Variants in KIF17 observed in about 807,000 individuals in gnomAD.
The protein encoded by KIF17 is kinesin family member 17.
Under a neutral mutation model 96.8 loss-of-function variants are expected in KIF17, and 80 were observed. That is an observed-to-expected ratio of 0.83 (90% CI 0.69 to 1.00). KIF17 has a LOEUF of 1.00. Ranked by LOEUF, KIF17 falls within the 50% of genes least tolerant of loss-of-function variation. KIF17 has a pLI of 0.00. For missense variants in KIF17, 1,280 were observed against 1,372.9 expected, an observed-to-expected ratio of 0.93 and a Z score of 1.07; for synonymous variants, 567 against 587.5, an observed-to-expected ratio of 0.97 and a Z score of 0.51.
chr1:20,692,257 T>A (rs1451157177), intron 6 of KIF17, among the ~76,000 whole-genome samples: 1 of 151,930 alleles, frequency 6.6e-6, no homozygotes, highest in Non-Finnish European at 1.5e-5. Flanking sequence ...CTCAGCTTAG[T>A]AACATCCCTC....
In KIF17 at chr1:20,717,670, G is replaced by T; in HGVS notation, c.37C>A (p.Arg13Ser). ...TCTCGCTCCCGCTGGTTCATGGGACGGCAGCGCACGACAACCTTCACCGCC... is the reference window on the plus strand; with the variant it reads ...TCTCGCTCCCGCTGGTTCATGGGACTGCAGCGCACGACAACCTTCACCGCC... Reference protein sequence around the residue: ...SEAVKVVVRCRPMNQRERELR... With the variant: ...SEAVKVVVRCSPMNQRERELR... Residue 13 changes from arginine to serine, a missense_variant, in exon 1 of 15, where the codon CGT becomes AGT. Physicochemically the swap from Arg to Ser is moderately radical, Grantham distance 110 (BLOSUM62 -1). Transcript: ENST00000400463. 1 of 1,601,360 alleles carries T rather than the reference G, an allele frequency of 6.2e-7. No individual in the cohort carries two copies. Among genetic ancestry groups the T allele is most frequent in the East Asian group, 2.2e-5 (1 of 44,692 alleles).
chr1:20,668,911 C>T (rs939535129), intron 13 of KIF17, among the ~76,000 whole-genome samples: 10 of 152,070 alleles, frequency 6.6e-5, no homozygotes, highest in African/African-American at 2.4e-4. Context: ...TTTGTTGACC[C>T]CTTGTTTTGA....
Position 20,717,746 on chromosome 1 carries a change from C to T in KIF17, c.-40G>A, listed in dbSNP as rs780283220. ...GACCAACGGGACCAGAGCTGACCCC[C>T]GCCCCGCCGGGGACTCCCAGCAGCC... On this transcript the variant is annotated 5_prime_UTR_variant, in exon 1 of 15. Coordinates refer to ENST00000400463, the MANE Select transcript of KIF17 (RefSeq NM_001122819.3). The T allele has an allele frequency of 9.9e-6, 15 of 1,511,100 alleles. No individual in the cohort carries two copies. The highest frequency in any genetic ancestry group is 1.2e-5 in the South Asian group (1 of 81,850). 93.6% of individuals were successfully genotyped at this position (1,511,100 alleles called of 1,614,324 possible). A position where few individuals can be genotyped will look rare whatever the true frequency, so the allele number is the denominator to read the frequency against.
chr1:20,696,308 T>C (rs2054137503), intron 6 of KIF17, among the ~76,000 whole-genome samples: 1 of 150,920 alleles, frequency 6.6e-6, no homozygotes, highest in South Asian at 2.1e-4. Flanking sequence ...TCAATAAATA[T>C]GAGAGTTGAG....
intron 4 of KIF17, among the ~76,000 whole-genome samples, chr1:20,708,259 C>T (rs1322550577): frequency 6.6e-6 from 1 of 152,222 alleles, no homozygotes; most frequent in East Asian, 1.9e-4. Context: ...TAAGCAAGCA[C>T]TGGGGCTTGG....
intron 1 of KIF17, among the ~76,000 whole-genome samples, chr1:20,716,276 G>T (rs928037331): frequency 4.0e-5 from 6 of 151,574 alleles, no homozygotes; most frequent in African/African-American, 1.5e-4. Flanking sequence ...TATCTTAAAG[G>T]GTAAGAGCAG....
chr1:20,668,227 G>A (rs988379342), intron 13 of KIF17, among the ~76,000 whole-genome samples: 2 of 150,508 alleles, frequency 1.3e-5, no homozygotes, highest in Non-Finnish European at 3.0e-5. Context: ...GGAGAATGGT[G>A]TGAACCTGGG....
intron 3 of KIF17, among the ~76,000 whole-genome samples, chr1:20,712,313 G>A (rs1287211417): frequency 2.0e-5 from 3 of 151,762 alleles, no homozygotes; most frequent in African/African-American, 7.3e-5. Context: ...CTGCTTCCCT[G>A]TCTGGGGGCT....
chr1:20,684,761 T>C, intron 10 of KIF17, 48 bp downstream of exon 10: 1 of 1,524,594 alleles, frequency 6.6e-7, no homozygotes, highest in Non-Finnish European at 8.9e-7. Context: ...AGGCAGCCCC[T>C]TCCCACCTCA....
chr1:20,664,864 G>T (rs888272159), intron 14 of KIF17, 102 bp from the exon 15 acceptor site: 2 of 1,063,580 alleles, frequency 1.9e-6, no homozygotes, highest in Admixed American at 4.0e-5. Context: ...CCCCACTCCC[G>T]CCCCCCTGCC....
rs1276928598 is a variant in KIF17 at position 20,699,914 on chromosome 1, C to T, written c.1124-1426G>A. On this transcript the variant is annotated intron_variant, in intron 5 of 14. Coordinates refer to ENST00000400463, the MANE Select transcript of KIF17 (RefSeq NM_001122819.3). The surrounding 1 kb of genome is among the most constrained non-coding windows in gnomAD (Gnocchi z 4.3). Reference sequence around the variant, plus strand: ...TTGAACGAGGCAGGTGTGCACAGGGCAGTCACAGGCCTTGCATTTGAACAG... The same window carrying T: ...TTGAACGAGGCAGGTGTGCACAGGGTAGTCACAGGCCTTGCATTTGAACAG... Among the ~76,000 whole-genome samples, 1 of 152,148 alleles carries T rather than the reference C, an allele frequency of 6.6e-6. No homozygotes were observed. Among genetic ancestry groups the T allele is most frequent in the African/African-American group, 2.4e-5 (1 of 41,422 alleles).
chr1:20,712,921 ATCT>A (rs1557607264), intron 3 of KIF17, among the ~76,000 whole-genome samples: 30 of 87,220 alleles, frequency 3.4e-4, no homozygotes, highest in African/African-American at 1.3e-3. Context: ...TATATAATAT[ATCT>A]ATATTATCTA....
intron 3 of KIF17, among the ~76,000 whole-genome samples, chr1:20,712,289 G>GT (rs2054451458): frequency 6.6e-6 from 1 of 151,844 alleles, no homozygotes; most frequent in African/African-American, 2.4e-5. Flanking sequence ...AACACCCTCT[G>GT]TTGCCTCCTG....
chr1:20,704,792 C>G lies in KIF17; in HGVS notation c.778G>C (p.Ala260Pro). 1 of 1,609,984 alleles carries G rather than the reference C, an allele frequency of 6.2e-7. No individual in the cohort carries two copies. The highest frequency in any genetic ancestry group is 8.5e-7 in the Non-Finnish European group (1 of 1,179,600). The part of the protein sequence containing the change: ...TGATGERLKE[A>P]TKINLSLSAL... ...GAGAGCGACAGGTTGATCTTGGTGGCCTCCTTGAGCCGCTCGCCCGTGGCC... is the reference window on the plus strand; with the variant it reads ...GAGAGCGACAGGTTGATCTTGGTGGGCTCCTTGAGCCGCTCGCCCGTGGCC... The change falls in exon 5 of 15, where the codon GCC becomes CCC. Residue 260 changes from alanine to proline, a missense_variant. Transcript: ENST00000400463. The surrounding 1 kb of genome is among the most constrained non-coding windows in gnomAD (Gnocchi z 6.8).
chr1:20,669,009 G>C (rs2053584446), intron 13 of KIF17, among the ~76,000 whole-genome samples: 1 of 152,076 alleles, frequency 6.6e-6, no homozygotes, highest in Non-Finnish European at 1.5e-5. Flanking sequence ...GACACCAAGA[G>C]GGGGTCCAGC....
chr1:20,681,915 A>C (rs566817938), intron 11 of KIF17, among the ~76,000 whole-genome samples: 2 of 152,320 alleles, frequency 1.3e-5, no homozygotes, highest in Non-Finnish European at 2.9e-5. Context: ...TTTCATGGGC[A>C]TGCTTTGTGG....
intron 6 of KIF17, among the ~76,000 whole-genome samples, chr1:20,691,695 C>T (rs1322293655): frequency 6.7e-6 from 1 of 149,860 alleles, no homozygotes; most frequent in Non-Finnish European, 1.5e-5. Flanking sequence ...TCTCGAACTC[C>T]TGACCTCAGG....
At chr1:20,670,368 G>A in intron 13 of KIF17, 53 bp downstream of exon 13, 2 of 1,542,410 alleles carry the variant, frequency 1.3e-6, no homozygotes, top group Middle Eastern at 2.1e-4. Flanking sequence ...ACAGCACTGG[G>A]GGCAAAGCCC....
At position 20,685,121 on chromosome 1, in the gene KIF17, T is replaced by C; in HGVS notation, c.2020-101A>G. The C allele has an allele frequency of 1.1e-6, 1 of 895,640 alleles. No individual in the cohort carries two copies. Among genetic ancestry groups the C allele is most frequent in the Non-Finnish European group, 1.8e-6 (1 of 549,520 alleles). 55.5% of individuals were successfully genotyped at this position (895,640 alleles called of 1,614,324 possible). ...TCCCAGACGGGGCCATTCCGCCTGC[T>C]GCAGCCCCGACAGATCACCTCCAGC... is the stretch of plus-strand genomic sequence containing the variant. On this transcript the variant is annotated intron_variant, in intron 9 of 14. Transcript: ENST00000400463. This position sits in a 1 kb window ranked among gnomAD's most constrained non-coding sequence, Gnocchi z 4.1.
Sources: gnomAD v4.1 joint callset for allele counts (sites outside exome capture counted in the v4.1 genomes callset) on GRCh38, gnomAD v4.1.1 for gene constraint, Gnocchi (gnomAD v3.1) non-coding constraint, MANE v1.5 for transcripts, NCBI Gene and HGNC (gene_info 2026-07-23, HGNC 2026-07-21) for gene names.